The following RTN4IP1 variants were observed in gnomAD, a reference collection of about 807,000 sequenced individuals.
RTN4IP1 encodes NAD(P)H oxidoreductase RTN4IP1, mitochondrial.
Under a neutral mutation model 46.6 loss-of-function variants are expected in RTN4IP1, and 32 were observed. That is an observed-to-expected ratio of 0.69 (90% CI 0.52 to 0.92). RTN4IP1 has a LOEUF of 0.92. Ranked by LOEUF, RTN4IP1 falls within the 40% of genes least tolerant of loss-of-function variation. RTN4IP1 has a pLI of 0.00. For missense variants in RTN4IP1, 424 were observed against 485.8 expected (o/e 0.87, Z 1.20); for synonymous variants, 167 against 161.8 (o/e 1.03, Z -0.24).
At chr6:106,624,246 G>A (rs1051988167) in intron 1 of RTN4IP1, among the ~76,000 whole-genome samples, 14 of 151,946 alleles carry the variant, frequency 9.2e-5, no homozygotes, top group African/African-American at 2.9e-4. Flanking sequence ...AGTAGAGATG[G>A]GATTTCACCA....
At position 106,628,982 on chromosome 6, in the gene RTN4IP1, A is replaced by G. The variant is rs768131106; in HGVS notation, c.40T>C (p.Cys14Arg). ...LKTCVLRRNA[C>R]TAVCFWRSKV... ...CTTCTCCAGAAGCAAACCGCAGTGC[A>G]TGCATTTCTTCTAAGTACACAAGTC... is the stretch of plus-strand genomic sequence containing the variant. Residue 14 changes from cysteine (C) to arginine (R), a missense_variant, in exon 1 of 9, where the codon TGC becomes CGC. Coordinates refer to ENST00000369063, the MANE Select transcript of RTN4IP1 (RefSeq NM_032730.5). The G allele has an allele frequency of 1.9e-6, 3 of 1,613,942 alleles. No homozygotes were observed. Among genetic ancestry groups the G allele is most frequent in the East Asian group, 4.5e-5 (2 of 44,866 alleles).
intron 7 of RTN4IP1, among the ~76,000 whole-genome samples, chr6:106,584,256 T>C (rs984470506): frequency 6.6e-6 from 1 of 152,200 alleles, no homozygotes; most frequent in Admixed American, 6.5e-5. Context: ...TTATTCTTTA[T>C]GTCAAAGGTA....
At chr6:106,629,896 C>T (rs1776780741), upstream of RTN4IP1, among the ~76,000 whole-genome samples, 1 of 152,156 alleles carries the variant, frequency 6.6e-6, no homozygotes, top group Non-Finnish European at 1.5e-5. Context: ...AGGACCTTAG[C>T]AGGGAAATCT....
At chr6:106,629,620 G>C, upstream of RTN4IP1, 1 of 1,561,520 alleles carries the variant, frequency 6.4e-7, no homozygotes, top group Non-Finnish European at 8.7e-7. Flanking sequence ...CATCACTAGC[G>C]ACCGGTGACC....
intron 7 of RTN4IP1, 135 bp downstream of exon 7, chr6:106,587,544 A>T: frequency 1.4e-6 from 1 of 729,710 alleles, no homozygotes; most frequent in Non-Finnish European, 2.3e-6. Flanking sequence ...GAAGCCAGTC[A>T]CTGTGACTGC....
At chr6:106,572,249 A>G in intron 8 of RTN4IP1, 146 bp from the exon 9 acceptor site, 1 of 649,672 alleles carries the variant, frequency 1.5e-6, no homozygotes, top group Non-Finnish European at 2.7e-6. Flanking sequence ...AGGCTCTCAC[A>G]AGGGCCATGA....
chr6:106,591,659 C>A (rs1022344647), intron 6 of RTN4IP1, among the ~76,000 whole-genome samples: 3 of 152,102 alleles, frequency 2.0e-5, no homozygotes, highest in Non-Finnish European at 4.4e-5. Flanking sequence ...TTCCTGAATG[C>A]ATTCCTGCTT....
At chr6:106,609,899 G>A (rs975796582) in intron 4 of RTN4IP1, among the ~76,000 whole-genome samples, 12 of 151,236 alleles carry the variant, frequency 7.9e-5, no homozygotes, top group African/African-American at 2.9e-4. Context: ...ACCTGATGGC[G>A]ACCCCAAGTG....
chr6:106,624,548 G>T (rs1025390837), intron 1 of RTN4IP1, among the ~76,000 whole-genome samples: 1 of 150,276 alleles, frequency 6.7e-6, no homozygotes, highest in East Asian at 2.0e-4. Context: ...TGTTGGCCAG[G>T]CTGGTCTCAA....
At chr6:106,579,150 C>A (rs551184918) in intron 8 of RTN4IP1, among the ~76,000 whole-genome samples, 1 of 151,588 alleles carries the variant, frequency 6.6e-6, no homozygotes, top group African/African-American at 2.4e-5. Context: ...GCAGAAGAAT[C>A]GCTTGAACCC....
chr6:106,592,394 T>C (rs924446321), intron 5 of RTN4IP1, 94 bp from the exon 6 acceptor site: 1 of 1,251,350 alleles, frequency 8.0e-7, no homozygotes, highest in African/African-American at 1.5e-5. Context: ...CATGTATACA[T>C]ATATCAGACT....
At chr6:106,580,277 T>C (rs1248579424) in intron 8 of RTN4IP1, among the ~76,000 whole-genome samples, 3 of 150,682 alleles carry the variant, frequency 2.0e-5, no homozygotes, top group African/African-American at 7.3e-5. Flanking sequence ...CTTCTTCACA[T>C]TCTTAAAAAC....
At chr6:106,623,502 TGTAACAAA>T (rs777408605) in intron 1 of RTN4IP1, among the ~76,000 whole-genome samples, 2 of 152,222 alleles carry the variant, frequency 1.3e-5, no homozygotes, top group Non-Finnish European at 2.9e-5. Context: ...AGCTCACCTA[TGTAACAAA>T]CCTGCACTTG....
intron 4 of RTN4IP1, among the ~76,000 whole-genome samples, chr6:106,618,578 C>G (rs1776406154): frequency 6.6e-6 from 1 of 152,132 alleles, no homozygotes; most frequent in South Asian, 2.1e-4. Context: ...GTGGGTCACC[C>G]AACTGGAAAG....
In RTN4IP1 at chr6:106,612,892, A is replaced by T. The variant is rs546740176; in HGVS notation, c.620+6310T>A. 2.7e-4 allele frequency among the ~76,000 whole-genome samples: 41 copies of T among 152,188 alleles called. No homozygotes were observed. The East Asian group carries it at 4.4e-3, about 16-fold the overall frequency. ...GGGGCCACGTGCATCAGGGATAAGAACCCCTTCCCCTCCCTTGTCCAAACA... is the reference window on the plus strand; with the variant it reads ...GGGGCCACGTGCATCAGGGATAAGATCCCCTTCCCCTCCCTTGTCCAAACA... On this transcript the variant is annotated intron_variant, in intron 4 of 8. Coordinates refer to ENST00000369063, the MANE Select transcript of RTN4IP1 (RefSeq NM_032730.5).
At chr6:106,598,123 C>T (rs1775847022) in intron 5 of RTN4IP1, among the ~76,000 whole-genome samples, 1 of 152,050 alleles carries the variant, frequency 6.6e-6, no homozygotes, top group Admixed American at 6.5e-5. Context: ...GGTTCCAAGT[C>T]TTTGCTATTG....
chr6:106,611,832 G>T (rs1225449854), intron 4 of RTN4IP1, among the ~76,000 whole-genome samples: 1 of 152,200 alleles, frequency 6.6e-6, no homozygotes, highest in Non-Finnish European at 1.5e-5. Context: ...TGTTTAGAAA[G>T]TTAAACACAT....
chr6:106,585,798 G>A (rs947005782), intron 7 of RTN4IP1, among the ~76,000 whole-genome samples: 2 of 152,202 alleles, frequency 1.3e-5, no homozygotes, highest in Non-Finnish European at 2.9e-5. Flanking sequence ...AAAAGAGAAT[G>A]AAGAGAGCTG....
intron 1 of RTN4IP1, among the ~76,000 whole-genome samples, chr6:106,627,408 TTAAG>T (rs1776674939): frequency 6.6e-6 from 1 of 152,148 alleles, no homozygotes; most frequent in African/African-American, 2.4e-5. Context: ...TACTGCTAAT[TTAAG>T]TTTGTTATCT....
Sources: gnomAD v4.1 joint callset for allele counts (sites outside exome capture counted in the v4.1 genomes callset) on GRCh38, gnomAD v4.1.1 for gene constraint, MANE v1.5 for transcripts, NCBI Gene and HGNC (gene_info 2026-07-23, HGNC 2026-07-21) for gene names.